The following CNTLN variants were observed in gnomAD, a reference collection of about 807,000 sequenced individuals.
The protein encoded by CNTLN is centlein, centrosomal protein.
CNTLN carries 212 observed loss-of-function variants against 180.0 expected under a neutral mutation model. The ratio of observed to expected loss-of-function variants is 1.18; its 90% CI spans 1.05 to 1.32. The LOEUF (loss-of-function observed/expected upper bound fraction) is 1.32. Ranked by LOEUF, CNTLN falls within the 40% of genes most tolerant of loss-of-function variation. CNTLN has a pLI of 0.00. For synonymous variants in CNTLN, 722 were observed against 563.1 expected (o/e 1.28, Z -3.99); for missense variants, 2,095 against 1,610.9 (o/e 1.30, Z -5.14).
chr9:17,252,570 T>G (rs1826210801), intron 5 of CNTLN, among the ~76,000 whole-genome samples: 1 of 151,802 alleles, frequency 6.6e-6, no homozygotes, highest in Admixed American at 6.6e-5. Flanking sequence ...TTTTTGTACA[T>G]GTTATAATGT....
Position 17,135,093 on chromosome 9 carries a change from C to A in CNTLN, c.28C>A (p.His10Asn). Residue 10 changes from histidine to asparagine, a missense_variant, in exon 1 of 26, where the codon CAC (histidine) becomes AAC (asparagine). His to Asn is a moderately conservative substitution (Grantham distance 68). Coordinates refer to ENST00000380647, the MANE Select transcript of CNTLN (RefSeq NM_017738.4). MAARSPPSP[H>N]PSPPARQLGP... ...GGCGGCGCGTTCGCCTCCCTCACCG[C>A]ACCCTTCGCCCCCAGCGCGACAGCT... is the stretch of plus-strand genomic sequence containing the variant. 7.5e-6 allele frequency: 12 copies of A among 1,603,972 alleles called. No individual in the cohort carries two copies. Among genetic ancestry groups the A allele is most frequent in the Non-Finnish European group, 1.0e-5 (12 of 1,177,604 alleles).
intron 19 of CNTLN, among the ~76,000 whole-genome samples, chr9:17,458,662 G>A (rs1053929213): frequency 1.3e-5 from 2 of 151,786 alleles, no homozygotes; most frequent in Non-Finnish European, 2.9e-5. Flanking sequence ...AGGATAAATA[G>A]GCTAAAATTT....
At chr9:17,216,833 G>C (rs984205409) in intron 2 of CNTLN, among the ~76,000 whole-genome samples, 1 of 152,204 alleles carries the variant, frequency 6.6e-6, no homozygotes, top group Admixed American at 6.5e-5. Flanking sequence ...GCAGTTTGGA[G>C]CATGATAGTA....
chr9:17,184,709 G>T (rs74795809), intron 2 of CNTLN, among the ~76,000 whole-genome samples: 7,941 of 152,172 alleles, frequency 0.052, 250 homozygotes, highest in East Asian at 0.17. Context: ...AATTGCTATT[G>T]CAGGATTAAT....
chr9:17,331,769 AT>A (rs1222821961), intron 9 of CNTLN, among the ~76,000 whole-genome samples: 1 of 152,020 alleles, frequency 6.6e-6, no homozygotes, highest in Non-Finnish European at 1.5e-5. Context: ...ATTTCTTGCC[AT>A]TTTGAAGTAG....
chr9:17,484,245 T>C (rs758831043), intron 23 of CNTLN, 50 bp from the exon 24 acceptor site: 1 of 1,387,708 alleles, frequency 7.2e-7, no homozygotes. Flanking sequence ...TACTGCTTTG[T>C]CTTCATTATG....
chr9:17,291,583 C>A (rs1412501419), intron 6 of CNTLN, among the ~76,000 whole-genome samples: 1 of 151,964 alleles, frequency 6.6e-6, no homozygotes, highest in Non-Finnish European at 1.5e-5. Flanking sequence ...CTTTTTTGAT[C>A]CCTGTTGGTT....
At chr9:17,385,372 G>A (rs1825606945) in intron 13 of CNTLN, among the ~76,000 whole-genome samples, 1 of 152,104 alleles carries the variant, frequency 6.6e-6, no homozygotes, top group Admixed American at 6.5e-5. Flanking sequence ...GGTGGGGCTG[G>A]ACGTTAAAAC....
At chr9:17,401,314 A>T (rs181177181) in intron 15 of CNTLN, among the ~76,000 whole-genome samples, 304 of 152,340 alleles carry the variant, frequency 2.0e-3, no homozygotes, top group African/African-American at 6.8e-3. Flanking sequence ...GAATCATTAA[A>T]TAATATTCAT....
At chr9:17,512,384 TGG>T in the CNTLN span, among the ~76,000 whole-genome samples, 3 of 152,202 alleles carry the variant, frequency 2.0e-5, no homozygotes, top group African/African-American at 7.2e-5. Context: ...TGGATGCAGT[TGG>T]AGGCCATTAT....
chr9:17,175,126 A>G (rs1422428012), intron 2 of CNTLN, among the ~76,000 whole-genome samples: 1 of 152,176 alleles, frequency 6.6e-6, no homozygotes, highest in Admixed American at 6.5e-5. Context: ...CTTTTGTAGA[A>G]CAAAATTTAA....
At chr9:17,238,820 C>T (rs977557775) in intron 5 of CNTLN, among the ~76,000 whole-genome samples, 1 of 152,032 alleles carries the variant, frequency 6.6e-6, no homozygotes, top group African/African-American at 2.4e-5. Context: ...TTTCATTTCT[C>T]TTGGGTATAT....
intron 12 of CNTLN, among the ~76,000 whole-genome samples, chr9:17,358,004 A>T (rs1305640199): frequency 6.6e-6 from 1 of 152,008 alleles, no homozygotes; most frequent in Admixed American, 6.6e-5. Context: ...GGAATGTTAC[A>T]GGTAAAGTTA....
intron 18 of CNTLN, among the ~76,000 whole-genome samples, chr9:17,429,604 T>C (rs923307663): frequency 8.6e-5 from 13 of 151,986 alleles, no homozygotes; most frequent in Admixed American, 5.9e-4. Context: ...ATACAGAATA[T>C]CCATGAGTTA....
At chr9:17,368,227 T>C (rs900908889) in intron 13 of CNTLN, among the ~76,000 whole-genome samples, 22 of 152,106 alleles carry the variant, frequency 1.4e-4, no homozygotes, top group Admixed American at 2.6e-4. Context: ...TGTAGGACTG[T>C]GGTGGTGGTG....
At chr9:17,149,650 T>C (rs1033340397) in intron 2 of CNTLN, among the ~76,000 whole-genome samples, 2 of 151,702 alleles carry the variant, frequency 1.3e-5, no homozygotes, top group Non-Finnish European at 2.9e-5. Context: ...CCCAAGTAGC[T>C]GGGACTATAG....
chr9:17,371,169 A>G (rs1312154802), intron 13 of CNTLN, among the ~76,000 whole-genome samples: 1 of 152,170 alleles, frequency 6.6e-6, no homozygotes, highest in African/African-American at 2.4e-5. Flanking sequence ...TCTGTAATCA[A>G]AATACACAGA....
chr9:17,312,472 C>T (rs1298618634), intron 8 of CNTLN, among the ~76,000 whole-genome samples: 4 of 149,898 alleles, frequency 2.7e-5, no homozygotes, highest in South Asian at 2.1e-4. Flanking sequence ...CTGCAAGCTC[C>T]GCCTCCTGGG....
rs1822850969 is a variant in CNTLN at position 17,356,370 on chromosome 9, GA to G, written c.1887-10245del. The stretch of plus-strand genomic sequence containing the variant: ...CCCTAGGTAAGAGTGGAAAGTTTCA[GA>G]ATAAGATTAACCTAAAACCTAATTA... On this transcript the variant is annotated intron_variant, in intron 12 of 25. Transcript: ENST00000380647. 2.0e-5 allele frequency among the ~76,000 whole-genome samples: 3 copies of G among 152,286 alleles called. No individual in the cohort carries two copies. In the South Asian group the frequency reaches 6.2e-4, roughly 32 times the overall value.
Sources: gnomAD v4.1 joint callset for allele counts (sites outside exome capture counted in the v4.1 genomes callset) on GRCh38, gnomAD v4.1.1 for gene constraint, MANE v1.5 for transcripts, NCBI Gene and HGNC (gene_info 2026-07-23, HGNC 2026-07-21) for gene names.